The following SHC4 variants were observed in gnomAD, a reference collection of about 807,000 sequenced individuals.
SHC4 encodes SHC-transforming protein 4.
SHC4 carries 41 observed loss-of-function variants against 69.4 expected under a neutral mutation model. That is an observed-to-expected ratio of 0.59 (90% CI 0.46 to 0.77). The LOEUF (loss-of-function observed/expected upper bound fraction) is 0.77. Among genes scored for constraint, SHC4 ranks in the 30% least tolerant of loss-of-function variants. The probability of loss-of-function intolerance (pLI) is 0.00; values close to 1 mark genes in which losing one functional copy is unlikely to be tolerated. For missense variants in SHC4, 777 were observed against 783.8 expected, an observed-to-expected ratio of 0.99 and a Z score of 0.10; for synonymous variants, 318 against 299.3, an observed-to-expected ratio of 1.06 and a Z score of -0.64.
At chr15:48,935,946 A>G (rs1002227439) in intron 1 of SHC4, among the ~76,000 whole-genome samples, 3 of 152,124 alleles carry the variant, frequency 2.0e-5, no homozygotes, top group Non-Finnish European at 4.4e-5. Context: ...AGGAGCATAA[A>G]GGTGCTAACA....
chr15:48,891,594 T>G (rs535702646), intron 2 of SHC4, among the ~76,000 whole-genome samples: 5 of 152,352 alleles, frequency 3.3e-5, no homozygotes, highest in Non-Finnish European at 7.3e-5. Flanking sequence ...AATTTGAACC[T>G]TAGCCTTGTG....
chr15:48,908,282 C>T (rs1900446283), intron 2 of SHC4, among the ~76,000 whole-genome samples: 1 of 152,166 alleles, frequency 6.6e-6, no homozygotes, highest in Non-Finnish European at 1.5e-5. Flanking sequence ...CTTTGATTTG[C>T]ATTTCCCTGA....
At chr15:48,891,273 G>A (rs535510565) in intron 2 of SHC4, among the ~76,000 whole-genome samples, 2 of 152,128 alleles carry the variant, frequency 1.3e-5, no homozygotes, top group African/African-American at 2.4e-5. Flanking sequence ...TAAAAGGATC[G>A]GGAGAACGTT....
intron 6 of SHC4, among the ~76,000 whole-genome samples, chr15:48,863,452 T>A (rs1404862319): frequency 2.2e-5 from 3 of 133,478 alleles, no homozygotes; most frequent in African/African-American, 8.5e-5. Context: ...ATTCTATGAG[T>A]TTATTTAATT....
In SHC4 at chr15:48,824,348, A is replaced by T. The variant is rs1898648799; in HGVS notation, c.*1623T>A. The T allele has an allele frequency of 6.6e-6, 1 of 152,166 alleles. No homozygotes were observed. Among genetic ancestry groups the T allele is most frequent in the South Asian group, 2.1e-4 (1 of 4,826 alleles). The allele number at this position is 152,166 out of a possible 1,614,324, so 9.4% of individuals were successfully genotyped here. ...CTTAGCAAATATATCACAATCACAAAGACTAAGTTGTATCTACATAGCCAA... is the reference window on the plus strand; with the variant it reads ...CTTAGCAAATATATCACAATCACAATGACTAAGTTGTATCTACATAGCCAA... On this transcript the variant is annotated 3_prime_UTR_variant, in exon 12 of 12. Coordinates refer to ENST00000332408, the MANE Select transcript of SHC4 (RefSeq NM_203349.4).
intron 6 of SHC4, among the ~76,000 whole-genome samples, chr15:48,859,857 T>C (rs902780873): frequency 2.0e-5 from 3 of 152,192 alleles, no homozygotes; most frequent in African/African-American, 7.2e-5. Flanking sequence ...TATCCTCCAG[T>C]TGAGCCATGA....
chr15:48,945,885 TATAAAA>T (rs1351953954), intron 1 of SHC4: 2 of 152,184 alleles, frequency 1.3e-5, no homozygotes, highest in African/African-American at 4.8e-5. Context: ...ATAAAACTGT[TATAAAA>T]ATAAACCATA....
intron 1 of SHC4, among the ~76,000 whole-genome samples, chr15:48,931,912 C>T (rs1032049842): frequency 1.3e-5 from 2 of 151,452 alleles, no homozygotes; most frequent in African/African-American, 4.8e-5. Context: ...TGGAGACATA[C>T]TCTGCCCCAG....
At chr15:48,847,401 T>C (rs1899113735) in intron 9 of SHC4, among the ~76,000 whole-genome samples, 1 of 152,232 alleles carries the variant, frequency 6.6e-6, no homozygotes, top group South Asian at 2.1e-4. Flanking sequence ...CTAATTATTG[T>C]TTTCCATGAG....
chr15:48,925,835 A>G (rs1900845116), intron 1 of SHC4, among the ~76,000 whole-genome samples: 2 of 152,182 alleles, frequency 1.3e-5, no homozygotes, highest in Admixed American at 1.3e-4. Flanking sequence ...GACAGCCCAC[A>G]CTGAAGAGGG....
At chr15:48,924,409 T>C (rs1248054800) in intron 2 of SHC4, among the ~76,000 whole-genome samples, 1 of 152,210 alleles carries the variant, frequency 6.6e-6, no homozygotes, top group African/African-American at 2.4e-5. Context: ...AAAACTTCCC[T>C]GATTCCACTG....
At chr15:48,860,810 G>A (rs1899426163) in intron 6 of SHC4, among the ~76,000 whole-genome samples, 1 of 152,328 alleles carries the variant, frequency 6.6e-6, no homozygotes, top group Middle Eastern at 3.4e-3. Flanking sequence ...CCTTGAACAA[G>A]TCACTTTATG....
At chr15:48,908,446 A>G (rs187661918) in intron 2 of SHC4, among the ~76,000 whole-genome samples, 4 of 152,158 alleles carry the variant, frequency 2.6e-5, no homozygotes, top group African/African-American at 7.2e-5. Flanking sequence ...GATTCTGGAT[A>G]TTAGTCCTTT....
chr15:48,853,939 C>T (rs181599159), intron 8 of SHC4, among the ~76,000 whole-genome samples: 2 of 152,092 alleles, frequency 1.3e-5, no homozygotes, highest in African/African-American at 4.8e-5. Context: ...TGACTACATC[C>T]TCAAAAGCAA....
chr15:48,947,042 G>A (rs1243226773), intron 1 of SHC4: 1 of 152,120 alleles, frequency 6.6e-6, no homozygotes, highest in African/African-American at 2.4e-5. Context: ...AGGGGATAAG[G>A]CTTCAGTTAG....
intron 9 of SHC4, among the ~76,000 whole-genome samples, chr15:48,848,357 T>C (rs765102807): frequency 8.5e-5 from 13 of 152,208 alleles, no homozygotes; most frequent in Non-Finnish European, 1.8e-4. Flanking sequence ...TTTTCTTAAC[T>C]GCAAACACCA....
At chr15:48,868,128 A>T (rs1347558275) in intron 5 of SHC4, among the ~76,000 whole-genome samples, 6 of 152,248 alleles carry the variant, frequency 3.9e-5, no homozygotes, top group Non-Finnish European at 8.8e-5. Flanking sequence ...TAAGAATAAA[A>T]GAGAAAGCAG....
chr15:48,952,309 C>T (rs1901377506), intron 1 of SHC4, among the ~76,000 whole-genome samples: 1 of 152,072 alleles, frequency 6.6e-6, no homozygotes, highest in Admixed American at 6.6e-5. Flanking sequence ...GAATGTCAAC[C>T]CCTCTAACTA....
intron 1 of SHC4, among the ~76,000 whole-genome samples, chr15:48,953,780 G>A (rs561013888): frequency 6.6e-6 from 1 of 152,204 alleles, no homozygotes; most frequent in East Asian, 1.9e-4. Flanking sequence ...GGTTAAGGTA[G>A]AATCTGTCCT....
Sources: gnomAD v4.1 joint callset for allele counts (sites outside exome capture counted in the v4.1 genomes callset) on GRCh38, gnomAD v4.1.1 for gene constraint, MANE v1.5 for transcripts, NCBI Gene and HGNC (gene_info 2026-07-23, HGNC 2026-07-21) for gene names.